DGKB: variants seen among roughly 807,000 people sequenced by gnomAD.
DGKB encodes the protein 90 kDa diacylglycerol kinase.
DGKB carries 67 observed loss-of-function variants against 114.3 expected under a neutral mutation model. The observed-to-expected ratio is 0.59, with a 90% confidence interval of 0.48 to 0.72. DGKB has a LOEUF of 0.72. Among genes scored for constraint, DGKB ranks in the 30% least tolerant of loss-of-function variants. The pLI is 0.00. For synonymous variants in DGKB, 398 were observed against 323.1 expected (o/e 1.23, Z -2.49); for missense variants, 907 against 975.2 (o/e 0.93, Z 0.93).
chr7:14,524,213 G>A (rs1467968675), intron 20 of DGKB, among the ~76,000 whole-genome samples: 2 of 151,948 alleles, frequency 1.3e-5, no homozygotes, highest in Admixed American at 1.3e-4. Context: ...GATACACCAA[G>A]AGTTTAAATT....
chr7:14,413,228 A>G (rs1825177037), intron 21 of DGKB, among the ~76,000 whole-genome samples: 1 of 152,084 alleles, frequency 6.6e-6, no homozygotes, highest in Admixed American at 6.6e-5. Context: ...CCATTTCAGC[A>G]TCCCAGATGG....
chr7:14,145,246 C>T lies in DGKB; in HGVS notation c.*3885G>A, dbSNP rs950335608. On this transcript the variant is annotated 3_prime_UTR_variant, in exon 26 of 26. Coordinates refer to ENST00000402815, the MANE Select transcript of DGKB (RefSeq NM_001350709.2). ...GAGTTTTAAGTGGTGATTTCTGCCTCTCACAAAATAAAAGCTCTTTTACAG... is the reference window on the plus strand; with the variant it reads ...GAGTTTTAAGTGGTGATTTCTGCCTTTCACAAAATAAAAGCTCTTTTACAG... 6.6e-6 allele frequency: 1 copy of T among 151,082 alleles called. No homozygotes were observed. Among genetic ancestry groups the T allele is most frequent in the African/African-American group, 2.5e-5 (1 of 40,510 alleles). 9.4% of individuals were successfully genotyped at this position (151,082 alleles called of 1,614,324 possible).
chr7:14,734,463 G>A (rs1462407472), intron 5 of DGKB, among the ~76,000 whole-genome samples: 1 of 151,932 alleles, frequency 6.6e-6, no homozygotes, highest in Admixed American at 6.6e-5. Flanking sequence ...TTTTCATAAC[G>A]GTATTAAGAT....
At chr7:14,338,351 C>T (rs1158082419) in intron 23 of DGKB, among the ~76,000 whole-genome samples, 164 bp downstream of exon 23, 1 of 152,010 alleles carries the variant, frequency 6.6e-6, no homozygotes, top group African/African-American at 2.4e-5. Flanking sequence ...GAGTTAGAAT[C>T]TATTGTGATA....
At chr7:14,256,362 C>A (rs1196670539) in intron 23 of DGKB, among the ~76,000 whole-genome samples, 1 of 151,810 alleles carries the variant, frequency 6.6e-6, no homozygotes, top group East Asian at 1.9e-4. Flanking sequence ...AATTTTTAAT[C>A]TTTTTTGTAG....
chr7:14,952,513 G>A (rs1032103566), intron 1 of DGKB, among the ~76,000 whole-genome samples: 1 of 151,394 alleles, frequency 6.6e-6, no homozygotes, highest in African/African-American at 2.4e-5. Context: ...AAATATTCAA[G>A]GAAGCTGGAA....
chr7:14,625,409 T>A (rs574698844), intron 14 of DGKB, among the ~76,000 whole-genome samples: 1 of 152,292 alleles, frequency 6.6e-6, no homozygotes, highest in East Asian at 1.9e-4. Flanking sequence ...CTCAAAAAAT[T>A]TCCTGTCCAC....
chr7:14,710,301 T>C (rs1295589163), intron 6 of DGKB, among the ~76,000 whole-genome samples: 2 of 152,172 alleles, frequency 1.3e-5, no homozygotes, highest in African/African-American at 4.8e-5. Context: ...TCTTAAATTT[T>C]ATTTACCTAT....
chr7:14,484,576 C>T (rs1783489764), intron 20 of DGKB, among the ~76,000 whole-genome samples: 1 of 152,288 alleles, frequency 6.6e-6, no homozygotes, highest in African/African-American at 2.4e-5. Context: ...TGATTGTAAG[C>T]TTCCTCAGGC....
At chr7:14,739,977 T>A (rs1254745645) in intron 4 of DGKB, among the ~76,000 whole-genome samples, 2 of 152,246 alleles carry the variant, frequency 1.3e-5, no homozygotes, top group Non-Finnish European at 2.9e-5. Context: ...TGTGTCTGCG[T>A]GTCTGCTGTA....
chr7:14,527,863 A>G (rs1043573807), intron 20 of DGKB, among the ~76,000 whole-genome samples: 3 of 152,112 alleles, frequency 2.0e-5, no homozygotes, highest in Non-Finnish European at 4.4e-5. Context: ...TTGCCATGCA[A>G]CAACTCAATA....
intron 5 of DGKB, among the ~76,000 whole-genome samples, chr7:14,721,915 T>C (rs1277203399): frequency 6.6e-6 from 1 of 152,208 alleles, no homozygotes; most frequent in Non-Finnish European, 1.5e-5. Flanking sequence ...TGTACAGAGA[T>C]TGAACACTGC....
intron 15 of DGKB, among the ~76,000 whole-genome samples, chr7:14,615,410 T>A (rs564710561): frequency 8.4e-4 from 128 of 152,006 alleles, no homozygotes; most frequent in African/African-American, 3.1e-3. Context: ...TTTATAGACA[T>A]CACTATAAAT....
At position 14,270,070 on chromosome 7, in the gene DGKB, A is replaced by G. The variant is rs113795839; in HGVS notation, c.2122+68445T>C. Among the ~76,000 whole-genome samples, 897 of 150,526 alleles carry G rather than the reference A, an allele frequency of 6.0e-3. 8 individuals are homozygous for G. Among genetic ancestry groups the G allele is most frequent in the African/African-American group, 0.021 (851 of 40,996 alleles). On this transcript the variant is annotated intron_variant, in intron 23 of 25. Transcript: ENST00000402815. ...TTGCAAAAAAAAAAAAAAAAAAAAA[A>G]AAAAAGAGAGAGATTCCTGAATGCA...
intron 20 of DGKB, among the ~76,000 whole-genome samples, chr7:14,533,625 A>T (rs1480231314): frequency 2.0e-5 from 3 of 151,936 alleles, no homozygotes; most frequent in African/African-American, 7.2e-5. Flanking sequence ...ACAATGAGAA[A>T]CATTATAATT....
At chr7:14,624,635 C>G (rs1284673935) in intron 14 of DGKB, among the ~76,000 whole-genome samples, 1 of 152,106 alleles carries the variant, frequency 6.6e-6, no homozygotes. Context: ...TCATGTCCCT[C>G]CAAGTAGTCA....
intron 1 of DGKB, among the ~76,000 whole-genome samples, chr7:14,878,706 G>T (rs780116665): frequency 7.2e-6 from 1 of 138,810 alleles, no homozygotes; most frequent in Non-Finnish European, 1.5e-5. Context: ...CCGAGATTGG[G>T]CCACTGCCCT....
At chr7:14,649,770 A>G (rs1814011651) in intron 13 of DGKB, among the ~76,000 whole-genome samples, 1 of 142,740 alleles carries the variant, frequency 7.0e-6, no homozygotes, top group African/African-American at 2.7e-5. Context: ...GCAGAGACAC[A>G]CATAGGCTCA....
At chr7:14,246,343 A>G (rs1204227879) in intron 23 of DGKB, among the ~76,000 whole-genome samples, 2 of 152,150 alleles carry the variant, frequency 1.3e-5, no homozygotes, top group African/African-American at 4.8e-5. Context: ...AGCCAAAGGG[A>G]CTGAGGAATA....
Sources: allele counts gnomAD v4.1 joint callset (sites outside exome capture counted in the v4.1 genomes callset), GRCh38; gene constraint gnomAD v4.1.1; transcripts MANE v1.5; gene names NCBI Gene and HGNC (gene_info 2026-07-23, HGNC 2026-07-21).